The following TM4SF19 variants were observed in gnomAD, a reference collection of about 807,000 sequenced individuals.
The protein encoded by TM4SF19 is transmembrane 4 L six family member 19, also known as transmembrane 4 L6 family member 19.
A neutral mutation model predicts 21.8 loss-of-function variants in TM4SF19; 17 were observed. The ratio of observed to expected loss-of-function variants is 0.78; its 90% CI spans 0.53 to 1.17. The LOEUF (loss-of-function observed/expected upper bound fraction) is 1.17. TM4SF19 is among the 50% of genes most tolerant of loss of function. The pLI is 0.00. For missense variants in TM4SF19, 216 were observed against 252.1 expected (o/e 0.86, Z 0.97); for synonymous variants, 107 against 106.7 (o/e 1.00, Z -0.02).
intron 1 of TM4SF19, among the ~76,000 whole-genome samples, chr3:196,328,277 G>A (rs1329962700): frequency 6.6e-6 from 1 of 151,252 alleles, no homozygotes; most frequent in Non-Finnish European, 1.5e-5. Flanking sequence ...TCCAGCCTGG[G>A]TGACACAGCA....
intron 1 of TM4SF19, among the ~76,000 whole-genome samples, chr3:196,337,065 T>C (rs1484419138): frequency 1.4e-5 from 2 of 140,118 alleles, no homozygotes; most frequent in African/African-American, 2.7e-5. Context: ...TTTTTTTTTT[T>C]TTTTTTTTTT....
At chr3:196,337,676 C>T (rs74704626) in intron 1 of TM4SF19, among the ~76,000 whole-genome samples, 1 of 152,210 alleles carries the variant, frequency 6.6e-6, no homozygotes, top group Non-Finnish European at 1.5e-5. Flanking sequence ...AGTGCCTGTG[C>T]GGCAGGCAGG....
rs1214020220 is a variant in TM4SF19 at position 196,324,354 on chromosome 3, A to T, written c.366T>A (p.Gly122=). The change falls in exon 4 of 5, where the codon GGT becomes GGA. Residue 122 remains glycine, a synonymous_variant. Coordinates refer to ENST00000273695, the MANE Select transcript of TM4SF19 (RefSeq NM_138461.4). The part of the protein sequence containing the change: ...FVTSGVALKD[G]PFCMFDVSSF... ...ATGAAACATCAAACATGCAAAAAGGACCATCTTTCAGAGCAACTCCAGAAG... is the reference window on the plus strand; with the variant it reads ...ATGAAACATCAAACATGCAAAAAGGTCCATCTTTCAGAGCAACTCCAGAAG... 2.5e-6 allele frequency: 4 copies of T among 1,614,050 alleles called. No individual in the cohort carries two copies. In the South Asian group the frequency reaches 4.4e-5, roughly 18 times the overall value.
intron 4 of TM4SF19, 106 bp from the exon 5 acceptor site, chr3:196,324,103 G>A (rs1423374338): frequency 6.9e-7 from 1 of 1,440,846 alleles, no homozygotes. Context: ...TCATGGGACT[G>A]GGCTCATGAG....
Position 196,323,584 on chromosome 3 carries a change from A to C in TM4SF19, c.*233T>G. 4 of 821,166 alleles carry C rather than the reference A, an allele frequency of 4.9e-6. No homozygotes were observed. The highest frequency in any genetic ancestry group is 7.4e-6 in the Non-Finnish European group (4 of 539,762). The allele number at this position is 821,166 out of a possible 1,614,324, so 50.9% of individuals were successfully genotyped here. ...ATATTTTATGGACTATAAATTCCTAAACAATTATAATAACTTAGTTATTTA... is the reference window on the plus strand; with the variant it reads ...ATATTTTATGGACTATAAATTCCTACACAATTATAATAACTTAGTTATTTA... On this transcript the variant is annotated 3_prime_UTR_variant, in exon 5 of 5. Transcript: ENST00000273695.
At chr3:196,328,128 C>T (rs1727372231) in intron 1 of TM4SF19, among the ~76,000 whole-genome samples, 1 of 151,978 alleles carries the variant, frequency 6.6e-6, no homozygotes, top group East Asian at 1.9e-4. Context: ...GGTGAAACCC[C>T]GTCTCTACTA....
At chr3:196,335,730 G>A (rs1727731079) in intron 1 of TM4SF19, among the ~76,000 whole-genome samples, 3 of 152,024 alleles carry the variant, frequency 2.0e-5, no homozygotes, top group Admixed American at 6.6e-5. Context: ...TGTGGAGAAC[G>A]GCCCCCTCAC....
In TM4SF19 at chr3:196,331,560, G is replaced by A. The variant is rs968546311; in HGVS notation, c.-1-3969C>T. 5.3e-5 allele frequency among the ~76,000 whole-genome samples: 8 copies of A among 151,868 alleles called. No homozygotes were observed. The East Asian group carries it at 5.8e-4, about 11-fold the overall frequency. On this transcript the variant is annotated intron_variant, in intron 1 of 4. Coordinates refer to ENST00000273695, the MANE Select transcript of TM4SF19 (RefSeq NM_138461.4). Reference sequence around the variant, plus strand: ...CCCAGCACTTTGGGAGGCCAAAGCCGGCAGATCACCTGAGGTCAGGAGTTC... The same window carrying A: ...CCCAGCACTTTGGGAGGCCAAAGCCAGCAGATCACCTGAGGTCAGGAGTTC...
At chr3:196,331,571 TGAGG>T (rs1172384096) in intron 1 of TM4SF19, among the ~76,000 whole-genome samples, 88 of 149,984 alleles carry the variant, frequency 5.9e-4, no homozygotes, top group Admixed American at 1.1e-3. Context: ...GCAGATCACC[TGAGG>T]TCAGGAGTTC....
Position 196,329,542 on chromosome 3 carries a change from C to T in TM4SF19, c.-1-1951G>A, listed in dbSNP as rs1217255956. On this transcript the variant is annotated intron_variant, in intron 1 of 4. Coordinates refer to ENST00000273695, the MANE Select transcript of TM4SF19 (RefSeq NM_138461.4). Reference sequence around the variant, plus strand: ...AATTTAAATGTCAGCTGGGTGCTTGCCTATAATCCCAGCTACTCGGAGGTT... The same window carrying T: ...AATTTAAATGTCAGCTGGGTGCTTGTCTATAATCCCAGCTACTCGGAGGTT... 1.6e-5 allele frequency among the ~76,000 whole-genome samples: 2 copies of T among 123,916 alleles called. 1 individual carries two copies. The highest frequency in any genetic ancestry group is 5.4e-5 in the African/African-American group (2 of 37,034). 81.3% of individuals were successfully genotyped at this position (123,916 alleles called of 152,430 possible).
Position 196,327,028 on chromosome 3 carries a change from AG to A in TM4SF19, c.205del (p.Leu69SerfsTer9). ...TGLWGGGLMV[L>X]TAAILISLMG... Reference sequence around the variant, plus strand: ...CAAGGAGATGAGGATAGCTGCAGTGAGTACCTGCAGGAGAGAGAAGAATGTT... The same window carrying A: ...CAAGGAGATGAGGATAGCTGCAGTGATACCTGCAGGAGAGAGAAGAATGTT... On this transcript the variant is annotated frameshift_variant, in exon 3 of 5. Coordinates refer to ENST00000273695, the MANE Select transcript of TM4SF19 (RefSeq NM_138461.4). LOFTEE classifies it high-confidence loss of function. The A allele has an allele frequency of 1.2e-6, 2 of 1,607,446 alleles. No homozygotes were observed. The highest frequency in any genetic ancestry group is 1.7e-6 in the Non-Finnish European group (2 of 1,174,336).
chr3:196,334,457 A>AT (rs1240533464), intron 1 of TM4SF19, among the ~76,000 whole-genome samples: 37 of 146,282 alleles, frequency 2.5e-4, no homozygotes, highest in African/African-American at 3.8e-4. Flanking sequence ...AGGATAAATA[A>AT]TTTTTTTTTT....
At chr3:196,327,135 A>G (rs1727323599) in intron 2 of TM4SF19, 103 bp from the exon 3 acceptor site, 15 of 949,894 alleles carry the variant, frequency 1.6e-5, no homozygotes, top group Non-Finnish European at 2.0e-5. Context: ...ACATGAACGC[A>G]GTCCTGTTGA....
chr3:196,335,534 G>A (rs1321721759), intron 1 of TM4SF19, among the ~76,000 whole-genome samples: 2 of 150,262 alleles, frequency 1.3e-5, no homozygotes, highest in Non-Finnish European at 3.0e-5. Context: ...GGTGCCCTGA[G>A]AGGGTGGGCG....
chr3:196,331,527 C>T (rs1485031105), intron 1 of TM4SF19, among the ~76,000 whole-genome samples: 4 of 151,862 alleles, frequency 2.6e-5, no homozygotes, highest in African/African-American at 9.7e-5. Context: ...GTGGCTCACG[C>T]CTGTAATCCC....
At chr3:196,332,370 C>T (rs1169559367) in intron 1 of TM4SF19, among the ~76,000 whole-genome samples, 3 of 142,706 alleles carry the variant, frequency 2.1e-5, no homozygotes, top group Non-Finnish European at 4.6e-5. Flanking sequence ...GCCCAGATCA[C>T]GCCACTGCAC....
At position 196,323,912 on chromosome 3, in the gene TM4SF19, CGGA is replaced by C. The variant is rs1262938620; in HGVS notation, c.532_534del (p.Ser178del). The C allele has an allele frequency of 1.9e-6, 3 of 1,613,910 alleles. No individual in the cohort carries two copies. The African/African-American group carries it at 4.0e-5, about 22-fold the overall frequency. ...TGGAGCAGGCTGATGCACAGAAGGG[CGGA>C]GAAGAGGGACACGTGCCAGACAACA... is the stretch of plus-strand genomic sequence containing the variant. On this transcript the variant is annotated inframe_deletion, in exon 5 of 5. Coordinates refer to ENST00000273695, the MANE Select transcript of TM4SF19 (RefSeq NM_138461.4).
Position 196,329,635 on chromosome 3 carries a change from T to G in TM4SF19, c.-1-2044A>C, listed in dbSNP as rs1404520119. 1.7e-5 allele frequency among the ~76,000 whole-genome samples: 2 copies of G among 118,286 alleles called. 1 individual carries two copies. The highest frequency in any genetic ancestry group is 5.6e-5 in the African/African-American group (2 of 35,558). 77.6% of individuals were successfully genotyped at this position (118,286 alleles called of 152,430 possible). On this transcript the variant is annotated intron_variant, in intron 1 of 4. Coordinates refer to ENST00000273695, the MANE Select transcript of TM4SF19 (RefSeq NM_138461.4). Reference sequence around the variant, plus strand: ...TGAGCTGAGATCGCGCCACTGCACTTCAGCCTGGGCGACAAGAGCAAGCGA... The same window carrying G: ...TGAGCTGAGATCGCGCCACTGCACTGCAGCCTGGGCGACAAGAGCAAGCGA...
intron 1 of TM4SF19, among the ~76,000 whole-genome samples, chr3:196,337,979 A>G (rs565732898): frequency 1.5e-3 from 231 of 152,108 alleles, no homozygotes; most frequent in Non-Finnish European, 1.4e-3. Context: ...ATGGAAGCAC[A>G]TGGAGGAACC....
Sources: gnomAD v4.1 joint callset for allele counts (sites outside exome capture counted in the v4.1 genomes callset) on GRCh38, gnomAD v4.1.1 for gene constraint, MANE v1.5 for transcripts, NCBI Gene and HGNC (gene_info 2026-07-23, HGNC 2026-07-21) for gene names.